PIK3CD: variants seen among roughly 807,000 people sequenced by gnomAD.
The protein encoded by PIK3CD is phosphatidylinositol-4,5-bisphosphate 3-kinase catalytic subunit delta.
A neutral mutation model predicts 122.9 loss-of-function variants in PIK3CD; 20 were observed. The ratio of observed to expected loss-of-function variants is 0.16; its 90% confidence interval spans 0.11 to 0.24. The LOEUF (loss-of-function observed/expected upper bound fraction) is 0.24. Among genes scored for constraint, PIK3CD ranks in the 10% least tolerant of loss-of-function variants. PIK3CD has a pLI of 1.00. For missense variants in PIK3CD, 787 were observed against 1,406.3 expected, an observed-to-expected ratio of 0.56 and a Z score of 7.04; for synonymous variants, 596 against 593.4, an observed-to-expected ratio of 1.00 and a Z score of -0.06.
chr1:9,703,564 A>G (rs1226471418), intron 2 of PIK3CD, among the ~76,000 whole-genome samples: 2 of 152,166 alleles, frequency 1.3e-5, no homozygotes, highest in African/African-American at 4.8e-5. Context: ...AGATTTATTA[A>G]TTCTGCCTGT....
At chr1:9,633,930 C>T in the PIK3CD span, among the ~76,000 whole-genome samples, 59,467 of 151,846 alleles carry the variant, frequency 0.39, 13,812 homozygotes, top group East Asian at 0.82. Context: ...TCCTGTGGCT[C>T]TTTCCAGATA....
chr1:9,675,850 C>T (rs1157685793), intron 1 of PIK3CD, among the ~76,000 whole-genome samples: 1 of 152,034 alleles, frequency 6.6e-6, no homozygotes, highest in South Asian at 2.1e-4. Context: ...ACTGCAACCT[C>T]AACCTCTTGG....
intron 3 of PIK3CD, among the ~76,000 whole-genome samples, chr1:9,713,638 T>A (rs1647143296): frequency 6.6e-6 from 1 of 152,118 alleles, no homozygotes; most frequent in South Asian, 2.1e-4. Flanking sequence ...TTGCACAGGC[T>A]GGAATGCAGT....
chr1:9,682,643 G>C (rs968424321), intron 1 of PIK3CD, among the ~76,000 whole-genome samples: 1 of 152,116 alleles, frequency 6.6e-6, no homozygotes, highest in Non-Finnish European at 1.5e-5. Context: ...TCCGCCTCCT[G>C]GGTTCAAGCG....
intron 1 of PIK3CD, among the ~76,000 whole-genome samples, chr1:9,691,017 A>G (rs1646178338): frequency 1.3e-5 from 2 of 152,196 alleles, no homozygotes. Flanking sequence ...CTCCAGCCCA[A>G]TAGGGCATGA....
chr1:9,683,680 G>C (rs1414883624), intron 1 of PIK3CD, among the ~76,000 whole-genome samples: 1 of 152,088 alleles, frequency 6.6e-6, no homozygotes, highest in Admixed American at 6.6e-5. Flanking sequence ...GGGATCTCTT[G>C]CTACATAACA....
At chr1:9,705,497 C>T (rs1646797920) in intron 2 of PIK3CD, among the ~76,000 whole-genome samples, 1 of 151,890 alleles carries the variant, frequency 6.6e-6, no homozygotes, top group African/African-American at 2.4e-5. Context: ...GACCCTGTCT[C>T]CTAAAACAAA....
intron 1 of PIK3CD, among the ~76,000 whole-genome samples, chr1:9,674,132 G>A (rs768873747): frequency 9.2e-5 from 14 of 152,198 alleles, no homozygotes; most frequent in Non-Finnish European, 1.3e-4. Flanking sequence ...CCAGAGGCAG[G>A]TTCAACTTAG....
At chr1:9,636,269 C>G in the PIK3CD span, among the ~76,000 whole-genome samples, 5 of 152,324 alleles carry the variant, frequency 3.3e-5, no homozygotes, top group African/African-American at 1.2e-4. Context: ...TCTTGGCTCA[C>G]TTCAGCCTCC....
At chr1:9,662,347 C>A in intron 1 of PIK3CD, 1 of 165,846 alleles carries the variant, frequency 6.0e-6, no homozygotes, top group African/African-American at 2.4e-5. Flanking sequence ...CTAATGATAA[C>A]AGCCTGGCTG....
chr1:9,673,725 C>G (rs1339869423), intron 1 of PIK3CD, among the ~76,000 whole-genome samples: 1 of 152,144 alleles, frequency 6.6e-6, no homozygotes, highest in East Asian at 1.9e-4. Flanking sequence ...TTTAATAATT[C>G]CTGCTGAGAT....
Position 9,723,363 on chromosome 1 carries a change from C to T in PIK3CD, c.2594+71C>T. ...TGTGGAGTGGGAGGGCCTCGCCTGT[C>T]AGAACAAAGGAGCGGGGAGGGGCCT... is the stretch of plus-strand genomic sequence containing the variant. On this transcript the variant is annotated intron_variant, in intron 20 of 23. Coordinates refer to ENST00000377346, the MANE Select transcript of PIK3CD (RefSeq NM_005026.5). This position sits in a 1 kb window ranked among gnomAD's most constrained non-coding sequence, Gnocchi z 4.9. 6.6e-7 allele frequency: 1 copy of T among 1,513,746 alleles called. No homozygotes were observed. The highest frequency in any genetic ancestry group is 9.2e-7 in the Non-Finnish European group (1 of 1,089,440). 93.8% of individuals were successfully genotyped at this position (1,513,746 alleles called of 1,614,324 possible).
the PIK3CD span, among the ~76,000 whole-genome samples, chr1:9,634,869 C>A: frequency 1.3e-5 from 2 of 152,164 alleles, no homozygotes; most frequent in Non-Finnish European, 1.5e-5. Context: ...TTATACTGAG[C>A]TGACTATTGT....
rs770832863 is a variant in PIK3CD, at chr1:9,720,282, G to A, written c.1470+40G>A. 25 of 1,585,964 alleles carry A rather than the reference G, an allele frequency of 1.6e-5. No homozygotes were observed. The highest frequency in any genetic ancestry group is 1.8e-4 in the Middle Eastern group (1 of 5,518). On this transcript the variant is annotated intron_variant, in intron 11 of 23. Transcript: ENST00000377346. This position sits in a 1 kb window ranked among gnomAD's most constrained non-coding sequence, Gnocchi z 9.0. Reference sequence around the variant, plus strand: ...CGCCGCGTGAGGCTGAGGGGCTGGCGCGGAGCTCTCCTGGCCCTGCTCCTG... The same window carrying A: ...CGCCGCGTGAGGCTGAGGGGCTGGCACGGAGCTCTCCTGGCCCTGCTCCTG...
the PIK3CD span, among the ~76,000 whole-genome samples, chr1:9,646,329 C>T: frequency 4.6e-5 from 7 of 152,288 alleles, no homozygotes; most frequent in Admixed American, 6.5e-5. Flanking sequence ...CCCGCCGTAA[C>T]AAAAGACAGA....
chr1:9,676,262 A>G (rs778734795), intron 1 of PIK3CD, among the ~76,000 whole-genome samples: 3 of 151,856 alleles, frequency 2.0e-5, no homozygotes, highest in Non-Finnish European at 4.4e-5. Flanking sequence ...TTTTGTAGAT[A>G]TGGGGTCTTG....
At chr1:9,695,640 A>G (rs904404862) in intron 2 of PIK3CD, among the ~76,000 whole-genome samples, 49 of 152,180 alleles carry the variant, frequency 3.2e-4, no homozygotes, top group Admixed American at 1.8e-3. Flanking sequence ...TCAGGAGTTC[A>G]AGACCAGCCT....
intron 1 of PIK3CD, among the ~76,000 whole-genome samples, chr1:9,658,917 A>G (rs913453267): frequency 6.6e-6 from 1 of 152,174 alleles, no homozygotes; most frequent in Non-Finnish European, 1.5e-5. Context: ...GTTAGTCTTG[A>G]GGATTTTGTA....
At chr1:9,685,795 C>T (rs1015468020) in intron 1 of PIK3CD, among the ~76,000 whole-genome samples, 6 of 149,948 alleles carry the variant, frequency 4.0e-5, no homozygotes, top group African/African-American at 1.5e-4. Context: ...CAAACTCAAG[C>T]GATCCTCCTG....
Sources: allele counts gnomAD v4.1 joint callset (sites outside exome capture counted in the v4.1 genomes callset), GRCh38; gene constraint gnomAD v4.1.1; non-coding constraint Gnocchi (gnomAD v3.1); transcripts MANE v1.5; gene names NCBI Gene and HGNC (gene_info 2026-07-23, HGNC 2026-07-21).